Variants in DHH observed in about 807,000 individuals in gnomAD.
DHH encodes the protein desert hedgehog protein.
DHH carries 16 observed loss-of-function variants against 27.6 expected under a neutral mutation model. The observed-to-expected ratio is 0.58, with a 90% CI of 0.39 to 0.88. The LOEUF is 0.88. Ranked by LOEUF, DHH falls within the 40% of genes least tolerant of loss-of-function variation. The pLI is 0.00. For synonymous variants in DHH, 289 were observed against 263.4 expected (o/e 1.10, Z -0.94); for missense variants, 436 against 563.1 (o/e 0.77, Z 2.28).
chr12:49,091,589 G>T lies in DHH; in HGVS notation c.304-200C>A, dbSNP rs544117589. ...CCAGGACGTCGTTGGAGAACTGTGGGCTCACCTCTGAGGTTGAGAGGGGGT... is the reference window on the plus strand; with the variant it reads ...CCAGGACGTCGTTGGAGAACTGTGGTCTCACCTCTGAGGTTGAGAGGGGGT... On this transcript the variant is annotated intron_variant, in intron 1 of 2. Coordinates refer to ENST00000649637, the MANE Select transcript of DHH (RefSeq NM_021044.4). This position sits in a 1 kb window ranked among gnomAD's most constrained non-coding sequence, Gnocchi z 4.8. Among the ~76,000 whole-genome samples the T allele has an allele frequency of 6.6e-6, 1 of 152,256 alleles. No individual in the cohort carries two copies. The highest frequency in any genetic ancestry group is 2.4e-5 in the African/African-American group (1 of 41,550).
In DHH at chr12:49,090,304, C is replaced by T; in HGVS notation, c.746G>A (p.Arg249His). The T allele has an allele frequency of 6.3e-7, 1 of 1,593,270 alleles. No homozygotes were observed. Among genetic ancestry groups the T allele is most frequent in the Non-Finnish European group, 8.5e-7 (1 of 1,170,940 alleles). The change falls in exon 3 of 3, where the codon CGC becomes CAC. Residue 249 changes from arginine (R) to histidine (H), a missense_variant. Arg to His is a conservative substitution (Grantham distance 29). Coordinates refer to ENST00000649637, the MANE Select transcript of DHH (RefSeq NM_021044.4). This position sits in a 1 kb window ranked among gnomAD's most constrained non-coding sequence, Gnocchi z 5.2. Reference sequence around the variant, plus strand: ...CTCCACAGCCACAAATGAAGCCCGGCGCTGCAAGTCCCGGTCCAGGAAGAG... The same window carrying T: ...CTCCACAGCCACAAATGAAGCCCGGTGCTGCAAGTCCCGGTCCAGGAAGAG... ...VLLFLDRDLQ[R>H]RASFVAVETE...
intron 1 of DHH, chr12:49,092,827 C>G (rs916802092): frequency 6.6e-6 from 1 of 152,280 alleles, no homozygotes; most frequent in Non-Finnish European, 1.5e-5. Context: ...CACTCTGCTG[C>G]AGGTGGCAAC....
Position 49,090,613 on chromosome 12 carries a change from G to A in DHH, c.566-129C>T, listed in dbSNP as rs555177673. On this transcript the variant is annotated intron_variant, in intron 2 of 2. Coordinates refer to ENST00000649637, the MANE Select transcript of DHH (RefSeq NM_021044.4). The surrounding 1 kb of genome is among the most constrained non-coding windows in gnomAD (Gnocchi z 5.2). ...GTTAATCTGACTGGCCCCAACCTGG[G>A]CAGAAAAGGAAGGGCGGTTTTTCTT... The A allele has an allele frequency of 1.1e-3, 1,386 of 1,280,108 alleles. 22 individuals carry two copies. In the South Asian group the frequency reaches 0.018, roughly 16 times the overall value. The allele number at this position is 1,280,108 out of a possible 1,614,324, so 79.3% of individuals were successfully genotyped here.
rs556117914 is a variant in DHH, at chr12:49,091,514, G to A, written c.304-125C>T. 1.5e-6 allele frequency: 2 copies of A among 1,378,916 alleles called. No individual in the cohort carries two copies. The highest frequency in any genetic ancestry group is 2.0e-6 in the Non-Finnish European group (2 of 1,007,972). The allele number at this position is 1,378,916 out of a possible 1,614,324, so 85.4% of individuals were successfully genotyped here. On this transcript the variant is annotated intron_variant, in intron 1 of 2. Transcript: ENST00000649637. The surrounding 1 kb of genome is among the most constrained non-coding windows in gnomAD (Gnocchi z 4.8). ...ACCCCTCCCAGCTTTTGAGTGTCCT[G>A]GAGAAATGAGAATCTGAGTCGATGG...
In DHH at chr12:49,091,135, G is replaced by A. The variant is rs1273652176; in HGVS notation, c.558C>T (p.Val186=). The stretch of plus-strand genomic sequence containing the variant: ...ACCCTCCTCCTACTGTACCAGCTTT[G>A]ACCGACACGTGGACGTGGTTGCGGG... ...YESRNHVHVS[V]KADNSLAVRA... Residue 186 remains valine (V), a synonymous_variant, in exon 2 of 3, where the codon GTC becomes GTT. Transcript: ENST00000649637. This position sits in a 1 kb window ranked among gnomAD's most constrained non-coding sequence, Gnocchi z 4.8. The A allele has an allele frequency of 6.2e-7, 1 of 1,614,206 alleles. No individual in the cohort carries two copies. The highest frequency in any genetic ancestry group is 2.2e-5 in the East Asian group (1 of 44,884).
Position 49,090,748 on chromosome 12 carries a change from A to T in DHH, c.566-264T>A. Reference sequence around the variant, plus strand: ...AGAATCTCGCTCTGTCGCCCAGTAGATGGAGTGCAGTGGCACCATCTCGGC... The same window carrying T: ...AGAATCTCGCTCTGTCGCCCAGTAGTTGGAGTGCAGTGGCACCATCTCGGC... On this transcript the variant is annotated intron_variant, in intron 2 of 2. Transcript: ENST00000649637. The surrounding 1 kb of genome is among the most constrained non-coding windows in gnomAD (Gnocchi z 5.2). Among the ~76,000 whole-genome samples the T allele has an allele frequency of 6.6e-6, 1 of 152,052 alleles. No individual in the cohort carries two copies. The highest frequency in any genetic ancestry group is 1.5e-5 in the Non-Finnish European group (1 of 68,022).
rs968032890 is a variant in DHH at position 49,089,820 on chromosome 12, G to A, written c.*39C>T. The A allele has an allele frequency of 2.7e-6, 4 of 1,488,982 alleles. No individual in the cohort carries two copies. The Admixed American group carries it at 6.6e-5, about 25-fold the overall frequency. The allele number at this position is 1,488,982 out of a possible 1,614,324, so 92.2% of individuals were successfully genotyped here. ...CCCATATCTCAGCCAGCAGGCCCTC[G>A]TTTCCTCGGGCGCTTCGAGGTTTCT... On this transcript the variant is annotated 3_prime_UTR_variant, in exon 3 of 3. Coordinates refer to ENST00000649637, the MANE Select transcript of DHH (RefSeq NM_021044.4).
Position 49,089,397 on chromosome 12 carries a change from T to G in DHH, c.*462A>C, listed in dbSNP as rs1939255322. ...CCACCTTTATCCCCCTCTCTGGAGG[T>G]GAATCACCCTCTGAATGGAAGTGTT... is the stretch of plus-strand genomic sequence containing the variant. On this transcript the variant is annotated 3_prime_UTR_variant, in exon 3 of 3. Transcript: ENST00000649637. 1 of 153,754 alleles carries G rather than the reference T, an allele frequency of 6.5e-6. No homozygotes were observed. Among genetic ancestry groups the G allele is most frequent in the African/African-American group, 2.4e-5 (1 of 41,468 alleles). The allele number at this position is 153,754 out of a possible 1,614,324, so 9.5% of individuals were successfully genotyped here.
rs973692311 is a variant in DHH at position 49,087,634 on chromosome 12, T to A, written c.*2225A>T. Among the ~76,000 whole-genome samples the A allele has an allele frequency of 1.1e-4, 17 of 152,000 alleles. No individual in the cohort carries two copies. Among genetic ancestry groups the A allele is most frequent in the Admixed American group, 8.5e-4 (13 of 15,274 alleles). On this transcript the variant is annotated 3_prime_UTR_variant, in exon 3 of 3. Transcript: ENST00000649637. ...GGGAGGATTGCTTGAGCCCAGGAGG[T>A]TGAAGCTACAGGGGACCAAGGTCAC...
Position 49,088,927 on chromosome 12 carries a change from T to C in DHH, c.*932A>G, listed in dbSNP as rs986135866. Among the ~76,000 whole-genome samples, 1 of 152,216 alleles carries C rather than the reference T, an allele frequency of 6.6e-6. No individual in the cohort carries two copies. The highest frequency in any genetic ancestry group is 2.4e-5 in the African/African-American group (1 of 41,444). ...GTGCCCCCCTTCCTTTTTCAGGCCA[T>C]GACTATGCGACGATTGCAAATTATT... On this transcript the variant is annotated 3_prime_UTR_variant, in exon 3 of 3. Transcript: ENST00000649637.
rs550350037 is a variant in DHH, at chr12:49,090,060, C to A, written c.990G>T (p.Ala330=). 3 of 1,539,818 alleles carry A rather than the reference C, an allele frequency of 1.9e-6. No homozygotes were observed. The highest frequency in any genetic ancestry group is 2.0e-5 in the Admixed American group (1 of 50,214). The change falls in exon 3 of 3, where the codon GCG becomes GCT. Residue 330 remains alanine, a synonymous_variant. Coordinates refer to ENST00000649637, the MANE Select transcript of DHH (RefSeq NM_021044.4). This position sits in a 1 kb window ranked among gnomAD's most constrained non-coding sequence, Gnocchi z 5.2. ...EAVGVFAPLT[A]HGTLLVNDVL... ...CATCGTTCACCAGCAGCGTCCCGTG[C>A]GCGGTGAGCGGCGCGAACACGCCCA...
rs778386294 is a variant in DHH, at chr12:49,087,428, T to C, written c.*2431A>G. Reference sequence around the variant, plus strand: ...AGGTTAAAACTGTAAGATATATGTATTACTGCTGGGCACAGGGGCTCACAC... The same window carrying C: ...AGGTTAAAACTGTAAGATATATGTACTACTGCTGGGCACAGGGGCTCACAC... On this transcript the variant is annotated 3_prime_UTR_variant, in exon 3 of 3. Transcript: ENST00000649637. Among the ~76,000 whole-genome samples the C allele has an allele frequency of 6.6e-6, 1 of 152,210 alleles. No individual in the cohort carries two copies. The highest frequency in any genetic ancestry group is 2.4e-5 in the African/African-American group (1 of 41,446).
chr12:49,094,116 CTG>C, intron 1 of DHH, 92 bp downstream of exon 1: 1 of 1,402,816 alleles, frequency 7.1e-7, no homozygotes, highest in Non-Finnish European at 1.0e-6. Flanking sequence ...GCTAAACTCT[CTG>C]TAGGTGAAGC....
At chr12:49,093,837 C>T (rs377271518) in intron 1 of DHH, among the ~76,000 whole-genome samples, 73 of 152,314 alleles carry the variant, frequency 4.8e-4, no homozygotes, top group African/African-American at 1.6e-3. Context: ...TGTCTGCTAC[C>T]TAGCCAGCTC....
At position 49,087,164 on chromosome 12, in the gene DHH, C is replaced by T. The variant is rs1418772501; in HGVS notation, c.*2695G>A. The stretch of plus-strand genomic sequence containing the variant: ...GCCCACCTGCTGCACCAAGATGGTG[C>T]GCATTGCCGCTTGAAGGCAAGTCAT... On this transcript the variant is annotated 3_prime_UTR_variant, in exon 3 of 3. Transcript: ENST00000649637. 3.3e-5 allele frequency among the ~76,000 whole-genome samples: 5 copies of T among 150,984 alleles called. No individual in the cohort carries two copies. Among genetic ancestry groups the T allele is most frequent in the Admixed American group, 2.6e-4 (4 of 15,172 alleles).
chr12:49,094,001 C>T (rs1315921480), intron 1 of DHH, among the ~76,000 whole-genome samples: 1 of 152,212 alleles, frequency 6.6e-6, no homozygotes, highest in African/African-American at 2.4e-5. Flanking sequence ...TCCCTCCTCC[C>T]CTCCCCATCC....
In DHH at chr12:49,091,273, G is replaced by A. The variant is rs1208145113; in HGVS notation, c.420C>T (p.Leu140=). 5.0e-6 allele frequency: 8 copies of A among 1,614,094 alleles called. No homozygotes were observed. Among genetic ancestry groups the A allele is most frequent in the Non-Finnish European group, 6.8e-6 (8 of 1,180,050 alleles). ...DEDGHHAQDS[L]HYEGRALDIT... Reference sequence around the variant, plus strand: ...TGTCCAAAGCACGGCCTTCGTAGTGGAGTGAATCCTGAGCGTGGTGGCCGT... The same window carrying A: ...TGTCCAAAGCACGGCCTTCGTAGTGAAGTGAATCCTGAGCGTGGTGGCCGT... The change falls in exon 2 of 3, where the codon CTC becomes CTT. Residue 140 remains leucine (L), a synonymous_variant. Transcript: ENST00000649637. The surrounding 1 kb of genome is among the most constrained non-coding windows in gnomAD (Gnocchi z 4.8).
chr12:49,093,348 A>T (rs1221515524), intron 1 of DHH: 2 of 152,202 alleles, frequency 1.3e-5, no homozygotes, highest in Non-Finnish European at 2.9e-5. Context: ...TGAGCTCAGG[A>T]GTTCAAGACT....
In DHH at chr12:49,089,942, G is replaced by A; in HGVS notation, c.1108C>T (p.Leu370Phe). The change falls in exon 3 of 3, where the codon CTC (leucine) becomes TTC (phenylalanine). Residue 370 changes from leucine (L) to phenylalanine (F), a missense_variant. Coordinates refer to ENST00000649637, the MANE Select transcript of DHH (RefSeq NM_021044.4). The stretch of plus-strand genomic sequence containing the variant: ...GTCGGCTGGACGGCCCCGCCGGGGA[G>A]CAGCGCCCCTAGCGCGTGCAGCAGT... The part of the protein sequence containing the change: ...LRLLHALGAL[L>F]PGGAVQPTGM... 7 of 1,583,290 alleles carry A rather than the reference G, an allele frequency of 4.4e-6. No individual in the cohort carries two copies. The highest frequency in any genetic ancestry group is 6.0e-6 in the Non-Finnish European group (7 of 1,165,686).
Sources: gnomAD v4.1 joint callset for allele counts (sites outside exome capture counted in the v4.1 genomes callset) on GRCh38, gnomAD v4.1.1 for gene constraint, Gnocchi (gnomAD v3.1) non-coding constraint, MANE v1.5 for transcripts, NCBI Gene and HGNC (gene_info 2026-07-23, HGNC 2026-07-21) for gene names.